The following FSD1L variants were observed in gnomAD, a reference collection of about 807,000 sequenced individuals.
FSD1L encodes FSD1-like protein.
FSD1L carries 45 observed loss-of-function variants against 71.6 expected under a neutral mutation model. That is an observed-to-expected ratio of 0.63 (90% CI 0.49 to 0.81). The LOEUF (loss-of-function observed/expected upper bound fraction) is 0.81, where lower values mean the gene tolerates loss of function less well. Ranked by LOEUF, FSD1L falls within the 30% of genes least tolerant of loss-of-function variation. The pLI is 0.00. For missense variants in FSD1L, 561 were observed against 618.1 expected, an observed-to-expected ratio of 0.91 and a Z score of 0.98; for synonymous variants, 197 against 207.2, an observed-to-expected ratio of 0.95 and a Z score of 0.42.
At chr9:105,522,885 C>T (rs1033515047) in intron 10 of FSD1L, 1 of 1,607,370 alleles carries the variant, frequency 6.2e-7, no homozygotes, top group Non-Finnish European at 8.5e-7. Flanking sequence ...TCTAAACAAG[C>T]AGAACCAGAT....
chr9:105,532,632 C>T (rs1835967162), intron 10 of FSD1L, among the ~76,000 whole-genome samples: 1 of 152,188 alleles, frequency 6.6e-6, no homozygotes, highest in African/African-American at 2.4e-5. Context: ...TACCTTAGCA[C>T]AAGTTTCACA....
chr9:105,535,839 A>G (rs1430828037), intron 12 of FSD1L, among the ~76,000 whole-genome samples: 2 of 152,192 alleles, frequency 1.3e-5, no homozygotes, highest in East Asian at 3.9e-4. Context: ...ATTTTCTACT[A>G]TCCTAGTAAA....
At chr9:105,485,945 T>C (rs969260396) in intron 7 of FSD1L, among the ~76,000 whole-genome samples, 2 of 152,148 alleles carry the variant, frequency 1.3e-5, no homozygotes, top group Non-Finnish European at 2.9e-5. Flanking sequence ...ACTTTTTTTT[T>C]TGGAGTCTGT....
Position 105,546,588 on chromosome 9 carries a change from T to G in FSD1L, c.*105T>G. 2.5e-6 allele frequency: 3 copies of G among 1,200,074 alleles called. No homozygotes were observed. Among genetic ancestry groups the G allele is most frequent in the Non-Finnish European group, 3.4e-6 (3 of 890,310 alleles). The allele number at this position is 1,200,074 out of a possible 1,614,324, so 74.3% of individuals were successfully genotyped here. On this transcript the variant is annotated 3_prime_UTR_variant, in exon 14 of 14. Transcript: ENST00000481272. ...GTAGTGAAAATCAGGTTTGCTGTGT[T>G]CTGCTTTGAGGCCTGGAATCTTTTA...
chr9:105,492,777 C>G (rs1241302385), intron 7 of FSD1L, among the ~76,000 whole-genome samples: 1 of 152,110 alleles, frequency 6.6e-6, no homozygotes, highest in Non-Finnish European at 1.5e-5. Flanking sequence ...CATTCAGGAG[C>G]AGGTTGTTCA....
At chr9:105,540,088 A>G (rs2131515026) in intron 13 of FSD1L, among the ~76,000 whole-genome samples, 1 of 152,238 alleles carries the variant, frequency 6.6e-6, no homozygotes, top group South Asian at 2.1e-4. Context: ...TGGTTATGCT[A>G]ATTTACAACT....
At chr9:105,496,298 C>T (rs1833401105) in intron 7 of FSD1L, among the ~76,000 whole-genome samples, 1 of 151,170 alleles carries the variant, frequency 6.6e-6, no homozygotes, top group East Asian at 2.0e-4. Context: ...CTCCGCCTCC[C>T]GTACTATGTC....
At position 105,452,689 on chromosome 9, in the gene FSD1L, T is replaced by G. The variant is rs1023919332; in HGVS notation, c.15+4454T>G. Among the ~76,000 whole-genome samples the G allele has an allele frequency of 1.4e-4, 20 of 143,154 alleles. No homozygotes were observed. In the East Asian group the frequency reaches 1.6e-3, roughly 12 times the overall value. 93.9% of individuals were successfully genotyped at this position (143,154 alleles called of 152,430 possible). A position where few individuals can be genotyped will look rare whatever the true frequency, so the allele number is the denominator to read the frequency against. On this transcript the variant is annotated intron_variant, in intron 1 of 13. Transcript: ENST00000481272. ...TGCCTGCCTTCCTTCCTTCCTTCCT[T>G]CCTTCCTTCCTTCCTTCCTTCCTTC...
intron 10 of FSD1L, chr9:105,520,571 A>G: frequency 1.5e-6 from 2 of 1,363,148 alleles, no homozygotes; most frequent in Non-Finnish European, 2.1e-6. Flanking sequence ...TGGCAGTTTC[A>G]TAATATTGGA....
chr9:105,476,065 A>T (rs76250631), intron 5 of FSD1L, among the ~76,000 whole-genome samples: 3,010 of 152,338 alleles, frequency 0.02, 39 homozygotes, highest in Non-Finnish European at 0.033. Flanking sequence ...ATAAATTCAC[A>T]GAAGAAAATA....
intron 8 of FSD1L, 129 bp from the exon 9 acceptor site, chr9:105,508,488 C>A: frequency 6.6e-6 from 4 of 609,646 alleles, no homozygotes. Context: ...ACATACCACT[C>A]TTTTAACAAA....
chr9:105,534,439 G>A, intron 10 of FSD1L, 54 bp from the exon 11 acceptor site: 1 of 924,994 alleles, frequency 1.1e-6, no homozygotes, highest in East Asian at 2.7e-5. Context: ...TTTAGTTTAT[G>A]AAACATTTAC....
intron 7 of FSD1L, among the ~76,000 whole-genome samples, chr9:105,503,458 A>G (rs1833886860): frequency 6.6e-6 from 1 of 152,224 alleles, no homozygotes; most frequent in African/African-American, 2.4e-5. Flanking sequence ...GCCATTTCTT[A>G]TGCATTGAAA....
intron 10 of FSD1L, chr9:105,524,986 T>C (rs546026393): frequency 2.5e-5 from 40 of 1,603,884 alleles, no homozygotes; most frequent in Admixed American, 1.9e-4. Context: ...CAGAAGAGAA[T>C]ATGCCTGGAG....
intron 7 of FSD1L, among the ~76,000 whole-genome samples, chr9:105,485,971 G>A (rs925970581): frequency 6.6e-6 from 1 of 150,534 alleles, no homozygotes; most frequent in African/African-American, 2.5e-5. Context: ...AATAGAGAAT[G>A]TTGATTATAT....
chr9:105,493,897 T>A (rs1589007678), intron 7 of FSD1L, among the ~76,000 whole-genome samples: 1 of 152,228 alleles, frequency 6.6e-6, no homozygotes, highest in Non-Finnish European at 1.5e-5. Context: ...CTTCCCTTTG[T>A]GGATAACCCG....
At chr9:105,460,045 CTG>C (rs1830589369) in intron 1 of FSD1L, among the ~76,000 whole-genome samples, 1 of 152,166 alleles carries the variant, frequency 6.6e-6, no homozygotes, top group African/African-American at 2.4e-5. Context: ...AAGAATGAGA[CTG>C]TGTTTCTCAG....
intron 10 of FSD1L, chr9:105,530,608 A>G (rs1468620920): frequency 1.4e-6 from 1 of 689,818 alleles, no homozygotes; most frequent in African/African-American, 1.8e-5. Context: ...TATGACGTTC[A>G]CTTTCTATTT....
At chr9:105,468,561 C>G (rs1422024764) in intron 4 of FSD1L, among the ~76,000 whole-genome samples, 1 of 148,472 alleles carries the variant, frequency 6.7e-6, no homozygotes, top group East Asian at 2.0e-4. Context: ...CTGGAGTGAT[C>G]TTGGTTCATT....
Sources: allele counts gnomAD v4.1 joint callset (sites outside exome capture counted in the v4.1 genomes callset), GRCh38; gene constraint gnomAD v4.1.1; transcripts MANE v1.5; gene names NCBI Gene and HGNC (gene_info 2026-07-23, HGNC 2026-07-21).